Variants in OCSTAMP observed in about 807,000 individuals in gnomAD.
OCSTAMP encodes the protein transmembrane protein C20orf123.
Under a neutral mutation model 25.2 loss-of-function variants are expected in OCSTAMP, and 17 were observed. That is an observed-to-expected ratio of 0.68 (90% CI 0.46 to 1.01). OCSTAMP has a LOEUF of 1.01. Ranked by LOEUF, OCSTAMP falls within the 50% of genes least tolerant of loss-of-function variation. OCSTAMP has a pLI of 0.00. For synonymous variants in OCSTAMP, 345 were observed against 318.9 expected, an observed-to-expected ratio of 1.08 and a Z score of -0.87; for missense variants, 664 against 694.6, an observed-to-expected ratio of 0.96 and a Z score of 0.50.
Position 46,541,711 on chromosome 20 carries a change from C to A in OCSTAMP, c.1264G>T (p.Ala422Ser). Residue 422 changes from alanine to serine, a missense_variant, in exon 3 of 3, where the codon GCC (alanine) becomes TCC (serine). Coordinates refer to ENST00000279028, the MANE Select transcript of OCSTAMP (RefSeq NM_080721.3). ...AGSTVLLEAY[A>S]RRLRHAIAAS... ...GCGATGGCATGCCGCAGGCGGCGGG[C>A]GTAGGCCTCCAGGAGCACCGTGGAG... is the stretch of plus-strand genomic sequence containing the variant. The A allele has an allele frequency of 6.5e-7, 1 of 1,548,574 alleles. No individual in the cohort carries two copies. Among genetic ancestry groups the A allele is most frequent in the Non-Finnish European group, 8.7e-7 (1 of 1,146,708 alleles).
At chr20:46,543,203 CT>C (rs1325220888) in intron 2 of OCSTAMP, among the ~76,000 whole-genome samples, 1 of 150,914 alleles carries the variant, frequency 6.6e-6, no homozygotes, top group Non-Finnish European at 1.5e-5. Flanking sequence ...TCATTCCTTC[CT>C]TTTTTCTTTC....
rs763890113 is a variant in OCSTAMP, at chr20:46,546,270, T to C, written c.104A>G (p.Asp35Gly). ...KALAPLQAAWDAFSQPVPASC... is the reference protein window; with the variant it reads ...KALAPLQAAWGAFSQPVPASC... ...GGCTGGAACAGGCTGGGAGAAGGCG[T>C]CCCAGGCAGCCTGCAGTGGGGCAAG... Residue 35 changes from aspartate (D) to glycine (G), a missense_variant, in exon 2 of 3, where the codon GAC becomes GGC. Asp to Gly is a moderately conservative substitution (Grantham distance 94). Transcript: ENST00000279028. 2.6e-6 allele frequency: 4 copies of C among 1,550,328 alleles called. No individual in the cohort carries two copies. Among genetic ancestry groups the C allele is most frequent in the South Asian group, 1.2e-5 (1 of 84,026 alleles).
At chr20:46,546,475 T>A in intron 1 of OCSTAMP, 146 bp from the exon 2 acceptor site, 1 of 680,246 alleles carries the variant, frequency 1.5e-6, no homozygotes, top group East Asian at 2.7e-5. Flanking sequence ...TCAGAGTAAG[T>A]CACTGTATAC....
Position 46,546,023 on chromosome 20 carries a change from C to G in OCSTAMP, c.351G>C (p.Gln117His). ...TGTAGGACAGGAGCAGCCGGCGGCC[C>G]TGCTCCATACCCAGGGTGGGCACGC... ...ALSVPTLGME[Q>H]GRRLLLSYST... Residue 117 changes from glutamine (Q) to histidine (H), a missense_variant, in exon 2 of 3, where the codon CAG becomes CAC. Physicochemically the swap from Gln to His is conservative, Grantham distance 24. Transcript: ENST00000279028. The G allele has an allele frequency of 6.4e-7, 1 of 1,551,472 alleles. No homozygotes were observed. The highest frequency in any genetic ancestry group is 8.7e-7 in the Non-Finnish European group (1 of 1,146,988).
chr20:46,545,966 G>A lies in OCSTAMP; in HGVS notation c.408C>T (p.Pro136=), dbSNP rs1282512363. 1.9e-6 allele frequency: 3 copies of A among 1,551,442 alleles called. No individual in the cohort carries two copies. Among genetic ancestry groups the A allele is most frequent in the East Asian group, 2.4e-5 (1 of 40,920 alleles). Residue 136 remains proline, a synonymous_variant, in exon 2 of 3, where the codon CCC becomes CCT. Transcript: ENST00000279028. ...STATLAIAVV[P]NVLANVGAAG... is the part of the protein sequence containing the mutation. ...CCGCACCCACGTTGGCCAGGACGTT[G>A]GGCACCACAGCAATGGCCAGGGTGG...
chr20:46,546,122 A>C lies in OCSTAMP; in HGVS notation c.252T>G (p.Val84=), dbSNP rs529670225. The stretch of plus-strand genomic sequence containing the variant: ...AGACCAGGAGGCCACAGACAGTGGC[A>C]ACCATGGCTGAAGGTCCAGGAGGAT... ...LLYPPGPSAM[V]ATVCGLLVFL... is the part of the protein sequence containing the mutation. Residue 84 remains valine, a synonymous_variant, in exon 2 of 3, where the codon GTT becomes GTG. Coordinates refer to ENST00000279028, the MANE Select transcript of OCSTAMP (RefSeq NM_080721.3). 5.8e-6 allele frequency: 9 copies of C among 1,551,776 alleles called. No individual in the cohort carries two copies. Among genetic ancestry groups the C allele is most frequent in the Middle Eastern group, 1.7e-4 (1 of 5,990 alleles).
intron 2 of OCSTAMP, among the ~76,000 whole-genome samples, chr20:46,544,394 A>G (rs1010595886): frequency 1.3e-5 from 2 of 152,232 alleles, no homozygotes; most frequent in Non-Finnish European, 2.9e-5. Context: ...GACTCCTTAA[A>G]TTGATTAAAT....
At position 46,541,835 on chromosome 20, in the gene OCSTAMP, C is replaced by T. The variant is rs1333661676; in HGVS notation, c.1140G>A (p.Trp380Ter). Residue 380 changes from tryptophan (W) to a stop codon, truncating the protein, a stop_gained, in exon 3 of 3, where the codon TGG becomes TGA. Coordinates refer to ENST00000279028, the MANE Select transcript of OCSTAMP (RefSeq NM_080721.3). LOFTEE classifies it low-confidence loss of function (END_TRUNC). ...PFLSVHSSYQ[W>*]ELRLTSARCP... ...AGCGGGCGGAGGTGAGGCGGAGCTC[C>T]CATTGGTAGGAGCTGTGGACGGAGA... The T allele has an allele frequency of 2.7e-6, 4 of 1,475,602 alleles. No homozygotes were observed. The highest frequency in any genetic ancestry group is 3.6e-6 in the Non-Finnish European group (4 of 1,118,240). The allele number at this position is 1,475,602 out of a possible 1,614,324, so 91.4% of individuals were successfully genotyped here. A position where few individuals can be genotyped will look rare whatever the true frequency, so the allele number is the denominator to read the frequency against.
intron 2 of OCSTAMP, among the ~76,000 whole-genome samples, chr20:46,543,698 TAA>T (rs1351831590): frequency 2.0e-5 from 3 of 152,174 alleles, no homozygotes; most frequent in Non-Finnish European, 4.4e-5. Context: ...TGTTAAATAA[TAA>T]GTGAACTATT....
At chr20:46,546,435 T>C in intron 1 of OCSTAMP, 106 bp from the exon 2 acceptor site, 1 of 990,036 alleles carries the variant, frequency 1.0e-6, no homozygotes, top group Non-Finnish European at 1.5e-6. Flanking sequence ...GCTAACAGAC[T>C]CCACCCTTGT....
chr20:46,545,268 G>C (rs1171499349), intron 2 of OCSTAMP, 59 bp downstream of exon 2: 2 of 1,409,896 alleles, frequency 1.4e-6, no homozygotes, highest in South Asian at 1.5e-5. Context: ...GGGTTTAACA[G>C]ATTCTCCCCC....
rs1042675794 is a variant in OCSTAMP, at chr20:46,545,535, G to T, written c.839C>A (p.Pro280His). ...CTGAGCCGCCTGGAGCAGCCAGGTG[G>T]GTGGAGGGGCCAGGAGGTGTGTAGC... ...AQATHLLAPP[P>H]TWLLQAAQLR... is the part of the protein sequence containing the mutation. The change falls in exon 2 of 3, where the codon CCC becomes CAC. Residue 280 changes from proline to histidine, a missense_variant. Pro to His is a moderately conservative substitution (Grantham distance 77, BLOSUM62 -2). Coordinates refer to ENST00000279028, the MANE Select transcript of OCSTAMP (RefSeq NM_080721.3). 7 of 1,551,394 alleles carry T rather than the reference G, an allele frequency of 4.5e-6. No homozygotes were observed. The highest frequency in any genetic ancestry group is 2.7e-5 in the African/African-American group (2 of 73,054).
At position 46,545,823 on chromosome 20, in the gene OCSTAMP, C is replaced by G. The variant is rs192539955; in HGVS notation, c.551G>C (p.Gly184Ala). 6.4e-7 allele frequency: 1 copy of G among 1,551,286 alleles called. No homozygotes were observed. Residue 184 changes from glycine to alanine, a missense_variant, in exon 2 of 3, where the codon GGC (glycine) becomes GCC (alanine). Coordinates refer to ENST00000279028, the MANE Select transcript of OCSTAMP (RefSeq NM_080721.3). ...ATTGTCCTGGGCCTCAAATGTCAGGCCCCGGCTGCCTGCCTGGCCTGTGGG... is the reference window on the plus strand; with the variant it reads ...ATTGTCCTGGGCCTCAAATGTCAGGGCCCGGCTGCCTGCCTGGCCTGTGGG... ...LGPTGQAGSR[G>A]LTFEAQDNGS...
In OCSTAMP at chr20:46,541,142, A is replaced by G. The variant is rs1380365969; in HGVS notation, c.*132T>C. The G allele has an allele frequency of 4.9e-6, 3 of 609,868 alleles. No individual in the cohort carries two copies. The highest frequency in any genetic ancestry group is 5.5e-5 in the East Asian group (2 of 36,326). 37.8% of individuals were successfully genotyped at this position (609,868 alleles called of 1,614,324 possible). A position where few individuals can be genotyped will look rare whatever the true frequency, so the allele number is the denominator to read the frequency against. On this transcript the variant is annotated 3_prime_UTR_variant, in exon 3 of 3. Transcript: ENST00000279028. Reference sequence around the variant, plus strand: ...GTTCCAGGAGCATTTCGAGAAATTCATGATGCAAGGTCTCCATCTAACAAG... The same window carrying G: ...GTTCCAGGAGCATTTCGAGAAATTCGTGATGCAAGGTCTCCATCTAACAAG...
In OCSTAMP at chr20:46,545,379, T is replaced by C; in HGVS notation, c.995A>G (p.Asp332Gly). Residue 332 changes from aspartate to glycine, a missense_variant, in exon 2 of 3, where the codon GAC becomes GGC. Asp to Gly is a moderately conservative substitution (Grantham distance 94, BLOSUM62 -1). Transcript: ENST00000279028. The part of the protein sequence containing the change: ...VAFLLAQATV[D>G]WAQKLPTVPI... ...CACAGTTGGCAACTTCTGAGCCCAG[T>C]CCACAGTAGCCTGTGCCAGGAGGAA... 1 of 1,523,672 alleles carries C rather than the reference T, an allele frequency of 6.6e-7. No individual in the cohort carries two copies. The highest frequency in any genetic ancestry group is 2.2e-5 in the Admixed American group (1 of 44,758). 94.4% of individuals were successfully genotyped at this position (1,523,672 alleles called of 1,614,324 possible).
rs1490125943 is a variant in OCSTAMP, at chr20:46,541,834, C to T, written c.1141G>A (p.Glu381Lys). 1.4e-6 allele frequency: 2 copies of T among 1,475,714 alleles called. No individual in the cohort carries two copies. The highest frequency in any genetic ancestry group is 1.8e-6 in the Non-Finnish European group (2 of 1,118,342). 91.4% of individuals were successfully genotyped at this position (1,475,714 alleles called of 1,614,324 possible). The change falls in exon 3 of 3, where the codon GAG (glutamate) becomes AAG (lysine). Residue 381 changes from glutamate (E) to lysine (K), a missense_variant. Physicochemically the swap from Glu to Lys is moderately conservative, Grantham distance 56. Coordinates refer to ENST00000279028, the MANE Select transcript of OCSTAMP (RefSeq NM_080721.3). ...CAGCGGGCGGAGGTGAGGCGGAGCT[C>T]CCATTGGTAGGAGCTGTGGACGGAG... ...FLSVHSSYQWELRLTSARCPL... is the reference protein window; with the variant it reads ...FLSVHSSYQWKLRLTSARCPL...
chr20:46,545,900 C>A lies in OCSTAMP; in HGVS notation c.474G>T (p.Glu158Asp), dbSNP rs1436737151. 1.9e-6 allele frequency: 3 copies of A among 1,551,420 alleles called. No homozygotes were observed. The highest frequency in any genetic ancestry group is 1.7e-6 in the Non-Finnish European group (2 of 1,146,986). The change falls in exon 2 of 3, where the codon GAG (glutamate) becomes GAT (aspartate). Residue 158 changes from glutamate (E) to aspartate (D), a missense_variant. By Grantham distance (45) the Glu-to-Asp change is conservative (BLOSUM62 2). Coordinates refer to ENST00000279028, the MANE Select transcript of OCSTAMP (RefSeq NM_080721.3). ...VLRCVTEGSLESLLNTTHQLH... is the reference protein window; with the variant it reads ...VLRCVTEGSLDSLLNTTHQLH... ...GCTGGTGAGTGGTATTGAGGAGACT[C>A]TCCAGGGAGCCCTCGGTGACACACC...
rs373779803 is a variant in OCSTAMP, at chr20:46,546,511, A to G, written c.45-182T>C. On this transcript the variant is annotated intron_variant, in intron 1 of 2. Coordinates refer to ENST00000279028, the MANE Select transcript of OCSTAMP (RefSeq NM_080721.3). The stretch of plus-strand genomic sequence containing the variant: ...CCACGTGACACAAGCTGAACCAATC[A>G]GAGCCTTCCCCAGGATTACTCTCGC... Among the ~76,000 whole-genome samples the G allele has an allele frequency of 9.8e-5, 15 of 152,328 alleles. 1 individual carries two copies. In the East Asian group the frequency reaches 1.3e-3, roughly 14 times the overall value.
chr20:46,546,387 T>C (rs1263531915), intron 1 of OCSTAMP, 58 bp from the exon 2 acceptor site: 2 of 1,419,838 alleles, frequency 1.4e-6, no homozygotes, highest in East Asian at 2.5e-5. Context: ...TGGGTGTCTG[T>C]CCACTGCCCC....
Sources: allele counts gnomAD v4.1 joint callset (sites outside exome capture counted in the v4.1 genomes callset), GRCh38; gene constraint gnomAD v4.1.1; transcripts MANE v1.5; gene names NCBI Gene and HGNC (gene_info 2026-07-23, HGNC 2026-07-21).